CTNNA3: variants seen among roughly 807,000 people sequenced by gnomAD.
CTNNA3 encodes catenin alpha 3, also known as catenin alpha-3.
A neutral mutation model predicts 95.7 loss-of-function variants in CTNNA3; 76 were observed. The ratio of observed to expected loss-of-function variants is 0.79; its 90% CI spans 0.66 to 0.96. CTNNA3 has a LOEUF of 0.96. CTNNA3 is among the 40% of genes least tolerant of loss of function. The pLI is 0.00. For synonymous variants in CTNNA3, 431 were observed against 374.4 expected (o/e 1.15, Z -1.74); for missense variants, 1,191 against 1,089.8 (o/e 1.09, Z -1.31).
chr10:66,612,451 T>C (rs1844360133), intron 10 of CTNNA3, among the ~76,000 whole-genome samples: 1 of 152,118 alleles, frequency 6.6e-6, no homozygotes, highest in Non-Finnish European at 1.5e-5. Flanking sequence ...GGCTACAACT[T>C]ACCTTTCCAC....
chr10:67,508,013 GTTGT>G (rs1004701548), intron 5 of CTNNA3, among the ~76,000 whole-genome samples: 4 of 151,546 alleles, frequency 2.6e-5, no homozygotes, highest in African/African-American at 7.3e-5. Flanking sequence ...TCCTTTTTTT[GTTGT>G]TTGTTTGTTT....
chr10:66,651,167 G>A (rs1204187731), intron 9 of CTNNA3, among the ~76,000 whole-genome samples: 9 of 152,114 alleles, frequency 5.9e-5, no homozygotes, highest in Non-Finnish European at 1.0e-4. Flanking sequence ...GCTGATCAGT[G>A]TGTTTACAAT....
At chr10:65,928,661 C>A (rs2077203974) in intron 17 of CTNNA3, among the ~76,000 whole-genome samples, 1 of 152,130 alleles carries the variant, frequency 6.6e-6, no homozygotes, top group Admixed American at 6.5e-5. Context: ...TTCAATTATT[C>A]TCTTGTATTC....
At chr10:66,353,969 A>G (rs962741909) in intron 12 of CTNNA3, among the ~76,000 whole-genome samples, 9 of 152,118 alleles carry the variant, frequency 5.9e-5, no homozygotes, top group African/African-American at 2.2e-4. Context: ...ATATGGGAGT[A>G]TCCGTGACAT....
At chr10:67,063,483 C>A (rs150050012) in intron 7 of CTNNA3, among the ~76,000 whole-genome samples, 1 of 152,246 alleles carries the variant, frequency 6.6e-6, no homozygotes, top group East Asian at 1.9e-4. Flanking sequence ...GTCAAGAGTT[C>A]ACTCCAGCTG....
At chr10:67,159,169 C>T (rs370574952) in intron 7 of CTNNA3, among the ~76,000 whole-genome samples, 43 of 152,300 alleles carry the variant, frequency 2.8e-4, no homozygotes, top group East Asian at 1.5e-3. Context: ...TCTCTCTGAC[C>T]GCCAGCGCAT....
At chr10:67,241,167 T>C (rs1865705355) in intron 5 of CTNNA3, among the ~76,000 whole-genome samples, 1 of 151,044 alleles carries the variant, frequency 6.6e-6, no homozygotes, top group African/African-American at 2.5e-5. Flanking sequence ...ATGCCTACAA[T>C]CCCAGCACTT....
chr10:66,385,304 T>C (rs1163181524), intron 11 of CTNNA3, among the ~76,000 whole-genome samples: 4 of 152,308 alleles, frequency 2.6e-5, no homozygotes, highest in Middle Eastern at 3.4e-3. Context: ...CAGAGAATAC[T>C]ATAAACACCT....
intron 7 of CTNNA3, among the ~76,000 whole-genome samples, chr10:66,810,868 CTT>C (rs953037005): frequency 2.6e-5 from 4 of 152,138 alleles, no homozygotes; most frequent in African/African-American, 9.7e-5. Flanking sequence ...AGAAATCTCT[CTT>C]GATTCCCACT....
intron 10 of CTNNA3, among the ~76,000 whole-genome samples, chr10:66,544,516 T>C (rs35892477): frequency 0.028 from 4,336 of 152,176 alleles, 247 homozygotes; most frequent in East Asian, 0.23. Flanking sequence ...TGGACTGAGA[T>C]TGCTTTAACA....
chr10:66,601,350 T>C (rs1057241584), intron 10 of CTNNA3, among the ~76,000 whole-genome samples: 19 of 151,952 alleles, frequency 1.3e-4, no homozygotes, highest in Admixed American at 1.2e-3. Flanking sequence ...TAGAATTTTA[T>C]TGTGCTATAA....
At chr10:66,851,633 T>TACACACACACACAC (rs35986426) in intron 7 of CTNNA3, among the ~76,000 whole-genome samples, 63 of 144,478 alleles carry the variant, frequency 4.4e-4, no homozygotes, top group Middle Eastern at 3.5e-3. Context: ...TTCTCTCACA[T>TACACACACACACAC]ACACACACAC....
intron 12 of CTNNA3, among the ~76,000 whole-genome samples, chr10:66,309,346 G>A (rs191875668): frequency 1.3e-5 from 2 of 152,056 alleles, no homozygotes; most frequent in Admixed American, 6.6e-5. Context: ...ACAAATAGAC[G>A]CTTCTAATAA....
chr10:67,704,972 T>G (rs974483980), intron 1 of CTNNA3, among the ~76,000 whole-genome samples: 1 of 152,240 alleles, frequency 6.6e-6, no homozygotes, highest in East Asian at 1.9e-4. Flanking sequence ...GCGAACGACA[T>G]GAACAGACAC....
intron 1 of CTNNA3, among the ~76,000 whole-genome samples, chr10:67,738,796 C>T (rs889416908): frequency 6.6e-6 from 1 of 151,984 alleles, no homozygotes; most frequent in Non-Finnish European, 1.5e-5. Flanking sequence ...ATAACGAATG[C>T]ACAAGCCTCG....
chr10:67,508,874 T>C (rs1348078867), intron 5 of CTNNA3, among the ~76,000 whole-genome samples: 2 of 142,898 alleles, frequency 1.4e-5, no homozygotes, highest in Non-Finnish European at 3.0e-5. Context: ...AATACCTAAA[T>C]AGACATTTTT....
At chr10:66,444,366 T>C (rs138149713) in intron 11 of CTNNA3, among the ~76,000 whole-genome samples, 1 of 151,578 alleles carries the variant, frequency 6.6e-6, no homozygotes, top group African/African-American at 2.4e-5. Flanking sequence ...CCAAGACACA[T>C]AATTGTCAGA....
chr10:66,726,267 A>G (rs1423801058), intron 9 of CTNNA3, among the ~76,000 whole-genome samples: 1 of 152,098 alleles, frequency 6.6e-6, no homozygotes, highest in Non-Finnish European at 1.5e-5. Context: ...AAAGAATTTC[A>G]TGGGTTCCTT....
intron 7 of CTNNA3, among the ~76,000 whole-genome samples, chr10:67,151,912 T>A (rs950205582): frequency 9.9e-5 from 15 of 152,208 alleles, no homozygotes; most frequent in Non-Finnish European, 2.9e-5. Flanking sequence ...TGCTGTGTCA[T>A]CCCCTTTCTG....
Sources: gnomAD v4.1 joint callset for allele counts (sites outside exome capture counted in the v4.1 genomes callset) on GRCh38, gnomAD v4.1.1 for gene constraint, MANE v1.5 for transcripts, NCBI Gene and HGNC (gene_info 2026-07-23, HGNC 2026-07-21) for gene names.